Variants in DMD observed in about 807,000 individuals in gnomAD.
DMD encodes mutant dystrophin.
In DMD, 63 loss-of-function variants were observed where a neutral mutation model predicts 330.1. That is an observed-to-expected ratio of 0.19 (90% CI 0.16 to 0.24). The LOEUF is 0.24. DMD is among the 10% of genes least tolerant of loss of function. The pLI is 1.00. For missense variants in DMD, 3,344 were observed against 2,684.1 expected, an observed-to-expected ratio of 1.25 and a Z score of -5.43; for synonymous variants, 1,223 against 959.8, an observed-to-expected ratio of 1.27 and a Z score of -5.07.
intron 60 of DMD, among the ~76,000 whole-genome samples, chrX:31,408,529 G>A (rs2061499981): frequency 9.1e-6 from 1 of 110,288 alleles, no homozygotes; most frequent in Admixed American, 9.7e-5. Context: ...CCTCAGTGTA[G>A]CTGGGATTAC....
In DMD at chrX:32,343,227, G is replaced by A. The variant is rs2097753394; in HGVS notation, c.5646C>T (p.Tyr1882=). 1 of 1,207,677 alleles carries A rather than the reference G, an allele frequency of 8.3e-7. No homozygotes were observed. Among genetic ancestry groups the A allele is most frequent in the Non-Finnish European group, 1.1e-6 (1 of 892,481 alleles). ...ALEISHQWYQ[Y]KRQADDLLKC... is the part of the protein sequence containing the mutation. The stretch of plus-strand genomic sequence containing the variant: ...TCAGGAGATCATCAGCCTGCCTCTT[G>A]TACTGATACCACTGATGAGAAATTT... Residue 1882 remains tyrosine, a synonymous_variant, in exon 40 of 79, where the codon TAC becomes TAT. Transcript: ENST00000357033.
intron 7 of DMD, among the ~76,000 whole-genome samples, chrX:32,787,610 C>T (rs1052184556): frequency 6.3e-5 from 7 of 111,244 alleles, no homozygotes; most frequent in Admixed American, 5.8e-4. Flanking sequence ...AAATTAGGCA[C>T]AGAAAAAGAT....
Position 32,394,873 on chromosome X carries a change from C to CT in DMD, c.4234-4693dup, listed in dbSNP as rs768693083. Reference sequence around the variant, plus strand: ...TGAAGTATACACATAGTCCTTTAACCTTTTATACCAGAGTGGTCAAAGAAG... The same window carrying CT: ...TGAAGTATACACATAGTCCTTTAACCTTTTTATACCAGAGTGGTCAAAGAAG... On this transcript the variant is annotated intron_variant, in intron 30 of 78. Coordinates refer to ENST00000357033, the MANE Select transcript of DMD (RefSeq NM_004006.3). 2.9e-3 allele frequency among the ~76,000 whole-genome samples: 240 copies of CT among 81,552 alleles called. 3 individuals carry two copies. Among genetic ancestry groups the CT allele is most frequent in the Non-Finnish European group, 4.8e-3 (203 of 42,158 alleles). The allele number at this position is 81,552 out of a possible 115,157, so 70.8% of individuals were successfully genotyped here. A position where few individuals can be genotyped will look rare whatever the true frequency, so the allele number is the denominator to read the frequency against.
chrX:31,608,213 G>A (rs759490379), intron 55 of DMD, among the ~76,000 whole-genome samples: 1 of 111,577 alleles, frequency 9.0e-6, no homozygotes, highest in Non-Finnish European at 1.9e-5. Flanking sequence ...AGTTCTCCTG[G>A]AAATTCATGA....
intron 60 of DMD, among the ~76,000 whole-genome samples, chrX:31,369,410 G>A (rs2059428272): frequency 8.9e-6 from 1 of 112,403 alleles, no homozygotes; most frequent in African/African-American, 3.2e-5. Context: ...TTGGAGTCAA[G>A]GGAGGTGTAA....
intron 7 of DMD, among the ~76,000 whole-genome samples, chrX:32,752,337 C>T (rs1311862047): frequency 9.0e-6 from 1 of 111,112 alleles, no homozygotes; most frequent in Non-Finnish European, 1.9e-5. Context: ...ATGTGAGATA[C>T]GCAGTCAAAG....
At chrX:33,114,949 T>G (rs2148454142) in intron 1 of DMD, among the ~76,000 whole-genome samples, 1 of 111,937 alleles carries the variant, frequency 8.9e-6, no homozygotes, top group African/African-American at 3.2e-5. Context: ...ATGCTCTATC[T>G]CAAGAGCAAA....
chrX:32,513,339 T>C (rs2045535487), intron 18 of DMD, among the ~76,000 whole-genome samples: 1 of 112,310 alleles, frequency 8.9e-6, no homozygotes, highest in African/African-American at 3.2e-5. Context: ...TTTAATATGT[T>C]CGCTTTGGCA....
chrX:32,802,730 CA>C (rs988023736), intron 7 of DMD, among the ~76,000 whole-genome samples: 3 of 111,827 alleles, frequency 2.7e-5, no homozygotes, highest in Non-Finnish European at 5.6e-5. Flanking sequence ...TTGAGATAAT[CA>C]TGTGGTTTTT....
intron 43 of DMD, among the ~76,000 whole-genome samples, chrX:32,234,237 G>A (rs764237226): frequency 8.9e-6 from 1 of 112,088 alleles, no homozygotes; most frequent in South Asian, 3.7e-4. Flanking sequence ...GGAAAAGACA[G>A]ATGGGTTATT....
intron 59 of DMD, among the ~76,000 whole-genome samples, chrX:31,466,085 T>C (rs189762258): frequency 8.9e-6 from 1 of 112,449 alleles, no homozygotes; most frequent in Non-Finnish European, 1.9e-5. Context: ...CAGCCCTTTG[T>C]CAGATGAATA....
intron 62 of DMD, among the ~76,000 whole-genome samples, chrX:31,292,416 T>C (rs1353962892): frequency 1.8e-5 from 2 of 112,118 alleles, no homozygotes; most frequent in Admixed American, 1.9e-4. Flanking sequence ...GAGATTCTAC[T>C]CACACACTCA....
At chrX:31,168,310 A>C (rs977244794) in intron 74 of DMD, among the ~76,000 whole-genome samples, 22 of 111,705 alleles carry the variant, frequency 2.0e-4, no homozygotes, top group African/African-American at 7.2e-4. Context: ...TTTTTTCTAC[A>C]TGCAGAAATC....
chrX:32,398,677 A>C (rs758899076), intron 30 of DMD, among the ~76,000 whole-genome samples: 1 of 111,439 alleles, frequency 9.0e-6, no homozygotes, highest in East Asian at 3.0e-4. Flanking sequence ...ACGATAATAG[A>C]AGAGTTCATT....
chrX:32,337,447 G>T (rs766868284), intron 41 of DMD, among the ~76,000 whole-genome samples: 1 of 109,045 alleles, frequency 9.2e-6, no homozygotes, highest in East Asian at 2.9e-4. Context: ...GTCATAACAT[G>T]CTCAGCTCAA....
At chrX:32,287,247 A>G (rs940641616) in intron 43 of DMD, among the ~76,000 whole-genome samples, 2 of 111,992 alleles carry the variant, frequency 1.8e-5, no homozygotes, top group African/African-American at 3.2e-5. Flanking sequence ...ACAACTGTTT[A>G]TAGCACCTCA....
Position 32,342,275 on chromosome X carries a change from T to C in DMD, c.5747A>G (p.Asp1916Gly), listed in dbSNP as rs753584916. The change falls in exon 41 of 79, where the codon GAT becomes GGT. Residue 1916 changes from aspartate (D) to glycine (G), a missense_variant. Transcript: ENST00000357033. ...CTCTTTCTTCTTCTGCAATTCCCGATCAATTTCCTATTGAGCAAAACCAAT... is the reference window on the plus strand; with the variant it reads ...CTCTTTCTTCTTCTGCAATTCCCGACCAATTTCCTATTGAGCAAAACCAAT... ...PRDERKIKEI[D>G]RELQKKKEEL... The C allele has an allele frequency of 3.3e-6, 4 of 1,211,270 alleles. No homozygotes were observed. In the Admixed American group the frequency reaches 8.7e-5, roughly 26 times the overall value.
intron 9 of DMD, among the ~76,000 whole-genome samples, chrX:32,689,763 A>G (rs912754508): frequency 9.0e-6 from 1 of 111,296 alleles, no homozygotes; most frequent in Non-Finnish European, 1.9e-5. Flanking sequence ...AATTAGTATG[A>G]TACACCACGT....
chrX:33,031,023 G>A (rs1007246252), intron 1 of DMD, among the ~76,000 whole-genome samples: 2 of 111,356 alleles, frequency 1.8e-5, no homozygotes, highest in Non-Finnish European at 3.8e-5. Context: ...TGGAGTAAAG[G>A]TTAATAAAAT....
Sources: allele counts gnomAD v4.1 joint callset (sites outside exome capture counted in the v4.1 genomes callset), GRCh38; gene constraint gnomAD v4.1.1; transcripts MANE v1.5; gene names NCBI Gene and HGNC (gene_info 2026-07-23, HGNC 2026-07-21).